CCDC40: variants seen among roughly 807,000 people sequenced by gnomAD.
The protein encoded by CCDC40 is coiled-coil domain 40 molecular ruler complex subunit.
Under a neutral mutation model 124.5 loss-of-function variants are expected in CCDC40, and 104 were observed. That is an observed-to-expected ratio of 0.84 (90% CI 0.71 to 0.98). The LOEUF (loss-of-function observed/expected upper bound fraction) is 0.98, where lower values mean the gene tolerates loss of function less well. CCDC40 is among the 50% of genes least tolerant of loss of function. The probability of loss-of-function intolerance (pLI) is 0.00; values close to 1 mark genes in which losing one functional copy is unlikely to be tolerated. For synonymous variants in CCDC40, 580 were observed against 602.9 expected (o/e 0.96, Z 0.56); for missense variants, 1,463 against 1,503.9 (o/e 0.97, Z 0.45).
At chr17:80,069,665 C>T (rs1159483790) in intron 10 of CCDC40, among the ~76,000 whole-genome samples, 1 of 152,080 alleles carries the variant, frequency 6.6e-6, no homozygotes, top group South Asian at 2.1e-4. Flanking sequence ...GCAGGAGAAT[C>T]GCCTGAACCC....
At chr17:80,055,981 C>CATAT (rs1164782051) in intron 7 of CCDC40, among the ~76,000 whole-genome samples, 7 of 26,102 alleles carry the variant, frequency 2.7e-4, no homozygotes, top group Admixed American at 9.2e-4. Flanking sequence ...GGCTAATTTT[C>CATAT]ATATATATAT....
chr17:80,052,619 C>A (rs1487060290), intron 7 of CCDC40, among the ~76,000 whole-genome samples: 1 of 152,154 alleles, frequency 6.6e-6, no homozygotes, highest in African/African-American at 2.4e-5. Flanking sequence ...GTTACCAACC[C>A]GAGATCCCCA....
intron 10 of CCDC40, among the ~76,000 whole-genome samples, chr17:80,078,545 C>T (rs556219413): frequency 2.3e-4 from 35 of 152,156 alleles, no homozygotes; most frequent in African/African-American, 7.7e-4. Context: ...CTGTCCTTTC[C>T]GTATTGAAAT....
chr17:80,087,419 G>C lies in CCDC40; in HGVS notation c.2450-188G>C, dbSNP rs11150837. On this transcript the variant is annotated intron_variant, in intron 14 of 19. Coordinates refer to ENST00000397545, the MANE Select transcript of CCDC40 (RefSeq NM_017950.4). The surrounding 1 kb of genome is among the most constrained non-coding windows in gnomAD (Gnocchi z 4.5). ...CTTAGCAGCCAAAAAGAGACCCCCT[G>C]TCCTCTCCTCTCCTCTGTCCTGGCA... 3.9e-4 allele frequency: 26 copies of C among 67,464 alleles called. No individual in the cohort carries two copies. The highest frequency in any genetic ancestry group is 8.6e-4 in the Admixed American group (9 of 10,512). 4.2% of individuals were successfully genotyped at this position (67,464 alleles called of 1,614,324 possible).
rs530496877 is a variant in CCDC40, at chr17:80,070,592, C to A, written c.1562+4986C>A. Among the ~76,000 whole-genome samples, 3 of 150,072 alleles carry A rather than the reference C, an allele frequency of 2.0e-5. No homozygotes were observed. The East Asian group carries it at 5.9e-4, about 30-fold the overall frequency. On this transcript the variant is annotated intron_variant, in intron 10 of 19. Transcript: ENST00000397545. ...CTCCAGCCTGGGCAACAGAGCAAGA[C>A]CCTGTCTCTCAAAAAATTTTTAATT...
At chr17:80,065,951 T>C (rs2038034964) in intron 10 of CCDC40, 5 of 618,072 alleles carry the variant, frequency 8.1e-6, no homozygotes, top group South Asian at 3.8e-5. Context: ...GGAAACCCCA[T>C]CCCTTCTCGA....
chr17:80,084,898 G>A lies in CCDC40; in HGVS notation c.2145G>A (p.Glu715=). 6.2e-7 allele frequency: 1 copy of A among 1,614,122 alleles called. No homozygotes were observed. Among genetic ancestry groups the A allele is most frequent in the Non-Finnish European group, 8.5e-7 (1 of 1,180,030 alleles). The part of the protein sequence containing the change: ...VNELITNSQS[E]ISRRTILIER... ...AGCTCATCACCAACAGCCAGAGCGA[G>A]ATCTCCCGGCGCACGATCCTGATCG... The change falls in exon 13 of 20, where the codon GAG becomes GAA. Residue 715 remains glutamate, a synonymous_variant. Transcript: ENST00000397545.
rs10582928 is a variant in CCDC40 at position 80,044,716 on chromosome 17, AATATAT to A, written c.553-2546_553-2541del. Among the ~76,000 whole-genome samples the A allele has an allele frequency of 8.4e-5, 11 of 131,732 alleles. No homozygotes were observed. The East Asian group carries it at 1.3e-3, about 15-fold the overall frequency. The allele number at this position is 131,732 out of a possible 152,430, so 86.4% of individuals were successfully genotyped here. On this transcript the variant is annotated intron_variant, in intron 3 of 19. Coordinates refer to ENST00000397545, the MANE Select transcript of CCDC40 (RefSeq NM_017950.4). ...AACAAAACAAACAAACAAAAAAAAA[AATATAT>A]ATATATATATATATATCTCAACAAC... is the stretch of plus-strand genomic sequence containing the variant.
At chr17:80,090,051 CAG>C in intron 17 of CCDC40, 167 bp downstream of exon 17, 1 of 1,536,228 alleles carries the variant, frequency 6.5e-7, no homozygotes, top group South Asian at 1.2e-5. Context: ...CCCGCTCCAG[CAG>C]AGTGACCTGC....
rs141615496 is a variant in CCDC40 at position 80,065,970 on chromosome 17, C to T, written c.1562+364C>T. 204 of 636,906 alleles carry T rather than the reference C, an allele frequency of 3.2e-4. 2 individuals carry two copies. In the East Asian group the frequency reaches 5.6e-3, roughly 17 times the overall value. 39.5% of individuals were successfully genotyped at this position (636,906 alleles called of 1,614,324 possible). On this transcript the variant is annotated intron_variant, in intron 10 of 19. Transcript: ENST00000397545. ...ACCCCATCCCTTCTCGATTGTTCTG[C>T]CTGAGGGCTGCATTCCAACCGAAAT...
At chr17:80,044,670 G>A (rs1228105564) in intron 3 of CCDC40, among the ~76,000 whole-genome samples, 3 of 142,518 alleles carry the variant, frequency 2.1e-5, no homozygotes, top group African/African-American at 5.6e-5. Flanking sequence ...GAGACAGAGC[G>A]AGACCCCATC....
chr17:80,065,948 C>T (rs2038034832), intron 10 of CCDC40: 2 of 617,632 alleles, frequency 3.2e-6, no homozygotes, highest in Non-Finnish European at 5.8e-6. Context: ...TGCGGAAACC[C>T]CATCCCTTCT....
chr17:80,089,824 G>A lies in CCDC40; in HGVS notation c.2772G>A (p.Val924=). Residue 924 remains valine (V), a synonymous_variant, in exon 17 of 20, where the codon GTG becomes GTA. Transcript: ENST00000397545. ...IQLAKEMRSS[V]DSEIGQTEIR... is the part of the protein sequence containing the mutation. The stretch of plus-strand genomic sequence containing the variant: ...TGGCAAAAGAGATGCGTTCCTCAGT[G>A]GATTCCGAGATCGGCCAGACGGAGA... The A allele has an allele frequency of 6.2e-7, 1 of 1,614,278 alleles. No individual in the cohort carries two copies. The highest frequency in any genetic ancestry group is 1.7e-5 in the Admixed American group (1 of 60,038).
chr17:80,072,295 A>G (rs1157897341), intron 10 of CCDC40, among the ~76,000 whole-genome samples: 2 of 152,192 alleles, frequency 1.3e-5, no homozygotes, highest in East Asian at 1.9e-4. Context: ...TATCAAGGAT[A>G]AGTGATTGCG....
rs953666419 is a variant in CCDC40 at position 80,038,127 on chromosome 17, C to T, written c.34C>T (p.His12Tyr). 1 of 1,608,724 alleles carries T rather than the reference C, an allele frequency of 6.2e-7. No individual in the cohort carries two copies. Residue 12 changes from histidine (H) to tyrosine (Y), a missense_variant, in exon 2 of 20, where the codon CAT (histidine) becomes TAT (tyrosine). Physicochemically the swap from His to Tyr is moderately conservative, Grantham distance 83. Transcript: ENST00000397545. ...AEPGGAAGRS[H>Y]PEDGSASEGE... is the part of the protein sequence containing the mutation. Reference sequence around the variant, plus strand: ...CAATTGTTTCTCTAAAACCAGGTCCCATCCGGAAGATGGATCGGCTTCTGA... The same window carrying T: ...CAATTGTTTCTCTAAAACCAGGTCCTATCCGGAAGATGGATCGGCTTCTGA...
intron 1 of CCDC40, among the ~76,000 whole-genome samples, chr17:80,037,720 T>TATATATATATATATA (rs1555889200): frequency 2.4e-3 from 341 of 141,080 alleles, no homozygotes; most frequent in South Asian, 4.1e-3. Context: ...TATATATATA[T>TATATATATATATATA]TCCTGTGCTA....
chr17:80,083,934 G>A (rs2038518089), intron 12 of CCDC40, among the ~76,000 whole-genome samples: 1 of 152,228 alleles, frequency 6.6e-6, no homozygotes, highest in African/African-American at 2.4e-5. Context: ...CGACTTACCA[G>A]ATTAAAAAGC....
At chr17:80,043,811 G>A (rs980663237) in intron 3 of CCDC40, among the ~76,000 whole-genome samples, 2 of 151,886 alleles carry the variant, frequency 1.3e-5, no homozygotes, top group Non-Finnish European at 2.9e-5. Flanking sequence ...GAGCCACCAC[G>A]CCCGGCCTCC....
intron 17 of CCDC40, chr17:80,090,115 C>T (rs1229771049): frequency 2.6e-6 from 4 of 1,536,306 alleles, no homozygotes; most frequent in Non-Finnish European, 3.5e-6. Context: ...CAGCTTTTAC[C>T]ACACGCTTGC....
Sources: gnomAD v4.1 joint callset for allele counts (sites outside exome capture counted in the v4.1 genomes callset) on GRCh38, gnomAD v4.1.1 for gene constraint, Gnocchi (gnomAD v3.1) non-coding constraint, MANE v1.5 for transcripts, NCBI Gene and HGNC (gene_info 2026-07-23, HGNC 2026-07-21) for gene names.